PIK3CD: variants seen among roughly 807,000 people sequenced by gnomAD.
PIK3CD encodes the protein phosphatidylinositol-4,5-bisphosphate 3-kinase catalytic subunit delta.
In PIK3CD, 20 loss-of-function variants were observed where a neutral mutation model predicts 122.9. The ratio of observed to expected loss-of-function variants is 0.16; its 90% confidence interval spans 0.11 to 0.24. The LOEUF is 0.24. Among genes scored for constraint, PIK3CD ranks in the 10% least tolerant of loss-of-function variants. The pLI is 1.00. For missense variants in PIK3CD, 787 were observed against 1,406.3 expected, an observed-to-expected ratio of 0.56 and a Z score of 7.04; for synonymous variants, 596 against 593.4, an observed-to-expected ratio of 1.00 and a Z score of -0.06.
intron 23 of PIK3CD, among the ~76,000 whole-genome samples, chr1:9,726,228 G>T (rs1374440352): frequency 6.6e-6 from 1 of 151,596 alleles, no homozygotes; most frequent in South Asian, 2.1e-4. Context: ...GAAAAAATTG[G>T]CCGGGCACGA....
Position 9,723,938 on chromosome 1 carries a change from A to G in PIK3CD, c.2595-31A>G. On this transcript the variant is annotated intron_variant, in intron 20 of 23. Coordinates refer to ENST00000377346, the MANE Select transcript of PIK3CD (RefSeq NM_005026.5). This position sits in a 1 kb window ranked among gnomAD's most constrained non-coding sequence, Gnocchi z 4.9. Reference sequence around the variant, plus strand: ...TTGATAGGCGGAGCTGCAAAATGGTATGGCCATGCTTTTTAATCTTCCCCA... The same window carrying G: ...TTGATAGGCGGAGCTGCAAAATGGTGTGGCCATGCTTTTTAATCTTCCCCA... 1 of 1,579,574 alleles carries G rather than the reference A, an allele frequency of 6.3e-7. No individual in the cohort carries two copies.
intron 2 of PIK3CD, among the ~76,000 whole-genome samples, chr1:9,701,278 C>T (rs1377851073): frequency 6.6e-6 from 1 of 152,128 alleles, no homozygotes; most frequent in Non-Finnish European, 1.5e-5. Flanking sequence ...CCCTTTCCCA[C>T]GAGATCCCCT....
the PIK3CD span, among the ~76,000 whole-genome samples, chr1:9,628,163 G>A: frequency 2.0e-5 from 3 of 152,144 alleles, no homozygotes; most frequent in African/African-American, 4.8e-5. Context: ...TTAGCTGGGC[G>A]TGGTGGCGCA....
At chr1:9,687,231 G>A (rs1399871356) in intron 1 of PIK3CD, 1 of 152,202 alleles carries the variant, frequency 6.6e-6, no homozygotes, top group Non-Finnish European at 1.5e-5. Context: ...CCGCTAGGGA[G>A]GAGGGCTCCC....
At chr1:9,673,617 G>A (rs1481477757) in intron 1 of PIK3CD, among the ~76,000 whole-genome samples, 5 of 151,732 alleles carry the variant, frequency 3.3e-5, no homozygotes, top group Admixed American at 6.6e-5. Context: ...TGCCTAGGCT[G>A]GTCTCGAACT....
intron 6 of PIK3CD, 24 bp downstream of exon 6, chr1:9,716,643 A>C: frequency 6.5e-7 from 1 of 1,548,564 alleles, no homozygotes. Context: ...GGCCCTCTGC[A>C]CTCTGGGCTC....
At chr1:9,650,828 A>G (rs547152099), upstream of PIK3CD, among the ~76,000 whole-genome samples, 54 of 112,210 alleles carry the variant, frequency 4.8e-4, no homozygotes, top group African/African-American at 2.3e-3. Context: ...CTAATACTTT[A>G]CCAATGGAGA....
intron 1 of PIK3CD, among the ~76,000 whole-genome samples, chr1:9,676,405 G>T (rs114033158): frequency 6.6e-6 from 1 of 152,192 alleles, no homozygotes; most frequent in South Asian, 2.1e-4. Flanking sequence ...TGGAGTTGGC[G>T]TCTTGGACTC....
chr1:9,644,502 G>T, the PIK3CD span, among the ~76,000 whole-genome samples: 2 of 150,114 alleles, frequency 1.3e-5, no homozygotes, highest in Non-Finnish European at 2.9e-5. Context: ...TGGATGACGA[G>T]GAAGACTCCG....
chr1:9,685,841 TCAGTCGTGCCTG>T (rs2100340058), intron 1 of PIK3CD, among the ~76,000 whole-genome samples: 1 of 152,228 alleles, frequency 6.6e-6, no homozygotes, highest in African/African-American at 2.4e-5. Context: ...ACAGGCGCCC[TCAGTCGTGCCTG>T]GCTTTGCCTC....
intron 1 of PIK3CD, chr1:9,654,611 G>T: frequency 1.1e-5 from 4 of 370,940 alleles, no homozygotes; most frequent in South Asian, 2.0e-5. Flanking sequence ...AAGTGAATGT[G>T]CAACGGATGA....
intron 2 of PIK3CD, among the ~76,000 whole-genome samples, chr1:9,707,742 G>A (rs1360150231): frequency 6.6e-6 from 1 of 151,486 alleles, no homozygotes; most frequent in Non-Finnish European, 1.5e-5. Flanking sequence ...GAGATAAAAC[G>A]AATGAACTAA....
the PIK3CD span, among the ~76,000 whole-genome samples, chr1:9,631,489 T>C: frequency 1.3e-5 from 2 of 152,206 alleles, no homozygotes; most frequent in Admixed American, 1.3e-4. Flanking sequence ...ACCCCGTCTC[T>C]ACTAAAAATA....
rs201492009 is a variant in PIK3CD at position 9,715,927 on chromosome 1, C to A, written c.449C>A (p.Ala150Glu). Reference protein sequence around the residue: ...RAKMCQFCEEAAARRQQLGWE... With the variant: ...RAKMCQFCEEEAARRQQLGWE... Reference sequence around the variant, plus strand: ...AAGATGTGCCAATTCTGCGAGGAGGCGGCCGCCCGCCGGCAGCAGCTGGGC... The same window carrying A: ...AAGATGTGCCAATTCTGCGAGGAGGAGGCCGCCCGCCGGCAGCAGCTGGGC... Residue 150 changes from alanine to glutamate, a missense_variant, in exon 5 of 24, where the codon GCG becomes GAG. Ala to Glu is a moderately radical substitution (Grantham distance 107). This residue lies in a region of PIK3CD where 592 missense variants were observed against 920.6 expected (regional missense o/e 0.64). Coordinates refer to ENST00000377346, the MANE Select transcript of PIK3CD (RefSeq NM_005026.5). The surrounding 1 kb of genome is among the most constrained non-coding windows in gnomAD (Gnocchi z 4.1). 3 of 1,611,810 alleles carry A rather than the reference C, an allele frequency of 1.9e-6. No homozygotes were observed. Among genetic ancestry groups the A allele is most frequent in the Non-Finnish European group, 2.5e-6 (3 of 1,179,666 alleles).
At chr1:9,671,984 G>A (rs1208596464) in intron 1 of PIK3CD, among the ~76,000 whole-genome samples, 1 of 152,138 alleles carries the variant, frequency 6.6e-6, no homozygotes, top group African/African-American at 2.4e-5. Context: ...GGCTCACAAG[G>A]CAGCACCCCA....
At position 9,718,732 on chromosome 1, in the gene PIK3CD, G is replaced by A; in HGVS notation, c.1059G>A (p.Met353Ile). 1 of 1,608,200 alleles carries A rather than the reference G, an allele frequency of 6.2e-7. No homozygotes were observed. Among genetic ancestry groups the A allele is most frequent in the Non-Finnish European group, 8.5e-7 (1 of 1,179,872 alleles). The change falls in exon 9 of 24, where the codon ATG becomes ATA. Residue 353 changes from methionine (M) to isoleucine (I), a missense_variant. Physicochemically the swap from Met to Ile is conservative, Grantham distance 10. Coordinates refer to ENST00000377346, the MANE Select transcript of PIK3CD (RefSeq NM_005026.5). The surrounding 1 kb of genome is among the most constrained non-coding windows in gnomAD (Gnocchi z 7.2). The stretch of plus-strand genomic sequence containing the variant: ...CCGGGCTTTTCCACGGCAACGAGAT[G>A]CTGTGCAAGACGGTGTCCAGCTCGG... ...VQAGLFHGNE[M>I]LCKTVSSSEV...
In PIK3CD at chr1:9,659,307, C is replaced by G. The variant is rs548874097; in HGVS notation, c.-138+7505C>G. Among the ~76,000 whole-genome samples the G allele has an allele frequency of 2.0e-5, 3 of 152,204 alleles. No homozygotes were observed. In the South Asian group the frequency reaches 6.2e-4, roughly 32 times the overall value. On this transcript the variant is annotated intron_variant, in intron 1 of 23. Coordinates refer to ENST00000377346, the MANE Select transcript of PIK3CD (RefSeq NM_005026.5). ...AAACCTGCACGTCCTGCACATGTAC[C>G]CCAGCACTTAAAATAAAAAATAATT...
chr1:9,688,480 G>T (rs367964252), intron 1 of PIK3CD, among the ~76,000 whole-genome samples: 4 of 152,180 alleles, frequency 2.6e-5, no homozygotes, highest in Non-Finnish European at 5.9e-5. Context: ...GAGAGTCCCT[G>T]CCCGCCTAGC....
At position 9,708,441 on chromosome 1, in the gene PIK3CD, A is replaced by G. The variant is rs183089131; in HGVS notation, c.-32-1983A>G. Among the ~76,000 whole-genome samples the G allele has an allele frequency of 7.3e-4, 111 of 151,586 alleles. 1 individual carries two copies. In the Middle Eastern group the frequency reaches 0.027, roughly 37 times the overall value. ...AAGTCATCTGCCTGTGTCGCCTCCC[A>G]AAGTGCTGGGACTGCAGGTGTAAGC... is the stretch of plus-strand genomic sequence containing the variant. On this transcript the variant is annotated intron_variant, in intron 2 of 23. Transcript: ENST00000377346.
Sources: allele counts gnomAD v4.1 joint callset (sites outside exome capture counted in the v4.1 genomes callset), GRCh38; gene constraint gnomAD v4.1.1; regional missense constraint gnomAD v4.1.1; non-coding constraint Gnocchi (gnomAD v3.1); transcripts MANE v1.5; gene names NCBI Gene and HGNC (gene_info 2026-07-23, HGNC 2026-07-21).